SORCS3: variants seen among roughly 807,000 people sequenced by gnomAD.
SORCS3 encodes the protein sortilin related VPS10 domain containing receptor 3.
Under a neutral mutation model 146.3 loss-of-function variants are expected in SORCS3, and 57 were observed. The observed-to-expected ratio is 0.39, with a 90% CI of 0.31 to 0.49. The LOEUF is 0.49. SORCS3 is among the 20% of genes least tolerant of loss of function. SORCS3 has a pLI of 0.92. For synonymous variants in SORCS3, 653 were observed against 618.5 expected (o/e 1.06, Z -0.83); for missense variants, 1,341 against 1,575.5 (o/e 0.85, Z 2.52).
chr10:104,763,328 C>G (rs1358072600), intron 1 of SORCS3, among the ~76,000 whole-genome samples: 1 of 152,174 alleles, frequency 6.6e-6, no homozygotes, highest in Non-Finnish European at 1.5e-5. Flanking sequence ...TGATTAAAAT[C>G]TATCAGGGAG....
intron 8 of SORCS3, among the ~76,000 whole-genome samples, chr10:105,145,310 C>T (rs2056123184): frequency 1.3e-5 from 2 of 152,048 alleles, no homozygotes; most frequent in South Asian, 4.2e-4. Context: ...AAGGAATTAT[C>T]AAACAGATAT....
At chr10:105,088,888 T>C (rs1020509414) in intron 5 of SORCS3, among the ~76,000 whole-genome samples, 16 of 152,248 alleles carry the variant, frequency 1.1e-4, no homozygotes, top group African/African-American at 3.9e-4. Flanking sequence ...AAAACCAGAA[T>C]ACAAATCTTA....
Position 104,977,358 on chromosome 10 carries a change from G to A in SORCS3, c.819G>A (p.Glu273=). 6.2e-7 allele frequency: 1 copy of A among 1,613,220 alleles called. No individual in the cohort carries two copies. The highest frequency in any genetic ancestry group is 2.2e-5 in the East Asian group (1 of 44,810). ...KRKIMLLSDP[E]MESSILISSD... is the part of the protein sequence containing the mutation. ...AGATTATGCTTCTCAGTGATCCTGA[G>A]ATGGAGAGCAGCATATTGATCAGCT... The change falls in exon 4 of 27, where the codon GAG becomes GAA. Residue 273 remains glutamate, a synonymous_variant. Coordinates refer to ENST00000369701, the MANE Select transcript of SORCS3 (RefSeq NM_014978.3).
intron 4 of SORCS3, among the ~76,000 whole-genome samples, chr10:104,979,606 A>AC (rs764427477): frequency 5.3e-5 from 8 of 151,966 alleles, no homozygotes; most frequent in Non-Finnish European, 1.0e-4. Flanking sequence ...TGATGTCAGC[A>AC]CCTTTAAACA....
At chr10:105,244,266 GAA>G (rs577426057) in intron 20 of SORCS3, among the ~76,000 whole-genome samples, 12 of 147,284 alleles carry the variant, frequency 8.1e-5, no homozygotes, top group Admixed American at 1.4e-4. Flanking sequence ...TTCTTTCCAG[GAA>G]AAAAAAATAT....
intron 1 of SORCS3, among the ~76,000 whole-genome samples, chr10:104,736,818 A>G (rs925415830): frequency 6.7e-6 from 1 of 150,280 alleles, no homozygotes; most frequent in African/African-American, 2.5e-5. Flanking sequence ...TTTCGGGTAC[A>G]TGTGCACAAT....
chr10:104,655,247 C>CA (rs34712784), intron 1 of SORCS3, among the ~76,000 whole-genome samples: 41,570 of 133,000 alleles, frequency 0.31, 6,036 homozygotes, highest in Admixed American at 0.38. Context: ...AGCTCCGTCT[C>CA]AAAAAAAAAA....
chr10:104,916,308 GTTTGCT>G (rs1376520823), intron 3 of SORCS3, among the ~76,000 whole-genome samples: 1 of 152,198 alleles, frequency 6.6e-6, no homozygotes, highest in Non-Finnish European at 1.5e-5. Flanking sequence ...GTAAGCATGG[GTTTGCT>G]CAGCTTCAGA....
chr10:104,939,369 A>G (rs889200748), intron 3 of SORCS3, among the ~76,000 whole-genome samples: 5 of 152,210 alleles, frequency 3.3e-5, no homozygotes, highest in African/African-American at 9.6e-5. Flanking sequence ...TACCTAACAC[A>G]GTGCCTGGCA....
intron 16 of SORCS3, among the ~76,000 whole-genome samples, chr10:105,210,450 G>T (rs1458975969): frequency 6.6e-6 from 1 of 152,084 alleles, no homozygotes; most frequent in East Asian, 1.9e-4. Flanking sequence ...ACACACCCAG[G>T]AGTCTTCTGA....
chr10:105,091,296 CT>C (rs2055702712), intron 6 of SORCS3, among the ~76,000 whole-genome samples: 3 of 88,802 alleles, frequency 3.4e-5, no homozygotes, highest in Non-Finnish European at 7.2e-5. Flanking sequence ...TCCTTCCTTC[CT>C]TCCCTCCTTC....
intron 3 of SORCS3, among the ~76,000 whole-genome samples, chr10:104,974,794 T>A (rs542870292): frequency 9.2e-5 from 14 of 152,348 alleles, no homozygotes; most frequent in Non-Finnish European, 1.6e-4. Flanking sequence ...CTAGCCTTGA[T>A]GATCTTTACA....
At chr10:104,651,523 C>T (rs185972045) in intron 1 of SORCS3, among the ~76,000 whole-genome samples, 8 of 128,490 alleles carry the variant, frequency 6.2e-5, no homozygotes, top group African/African-American at 8.9e-5. Flanking sequence ...GTGAAACCTC[C>T]GGGCTCTACT....
At position 105,042,930 on chromosome 10, in the gene SORCS3, G is replaced by C. The variant is rs532387018; in HGVS notation, c.955-125G>C. The C allele has an allele frequency of 1.1e-4, 80 of 756,814 alleles. No homozygotes were observed. In the South Asian group the frequency reaches 1.2e-3, roughly 12 times the overall value. 46.9% of individuals were successfully genotyped at this position (756,814 alleles called of 1,614,324 possible). A position where few individuals can be genotyped will look rare whatever the true frequency, so the allele number is the denominator to read the frequency against. On this transcript the variant is annotated intron_variant, in intron 4 of 26. Transcript: ENST00000369701. ...AGTCATATTCCTACCTTTTTATCTG[G>C]ATAAAATAAATGCCTACTTGGGTGT...
chr10:104,723,672 G>C (rs375032026), intron 1 of SORCS3, among the ~76,000 whole-genome samples: 1 of 152,174 alleles, frequency 6.6e-6, no homozygotes, highest in Non-Finnish European at 1.5e-5. Context: ...CCTGTATTGG[G>C]TGCATATATA....
At chr10:105,173,297 C>T (rs143709182) in intron 13 of SORCS3, among the ~76,000 whole-genome samples, 2 of 151,974 alleles carry the variant, frequency 1.3e-5, no homozygotes, top group African/African-American at 2.4e-5. Flanking sequence ...GGCAACAGAG[C>T]GAGACTCTGT....
At position 105,255,721 on chromosome 10, in the gene SORCS3, A is replaced by G. The variant is rs771279268; in HGVS notation, c.3257A>G (p.Asn1086Ser). ...TTTCAGATTGTAGAAACACTGTTTA[A>G]TGCTCTCAACCAAAATTTGGTCCAG... is the stretch of plus-strand genomic sequence containing the variant. ...DLEQIVETLFNALNQNLVQFE... is the reference protein window; with the variant it reads ...DLEQIVETLFSALNQNLVQFE... Residue 1086 changes from asparagine (N) to serine (S), a missense_variant, in exon 24 of 27, where the codon AAT becomes AGT. Transcript: ENST00000369701. 1.2e-5 allele frequency: 20 copies of G among 1,613,692 alleles called. No individual in the cohort carries two copies. Among genetic ancestry groups the G allele is most frequent in the Non-Finnish European group, 1.6e-5 (19 of 1,179,804 alleles).
chr10:105,176,556 T>TA (rs969422857), intron 13 of SORCS3, among the ~76,000 whole-genome samples: 2 of 150,478 alleles, frequency 1.3e-5, no homozygotes, highest in Admixed American at 6.6e-5. Context: ...CTTGTCTCTT[T>TA]AAAAAAACAA....
intron 1 of SORCS3, among the ~76,000 whole-genome samples, chr10:104,660,296 C>T (rs201398682): frequency 1.6e-4 from 1 of 6,412 alleles, no homozygotes; most frequent in Non-Finnish European, 8.1e-4. Flanking sequence ...GTTTATTATC[C>T]TGCATCTGTG....
Sources: gnomAD v4.1 joint callset for allele counts (sites outside exome capture counted in the v4.1 genomes callset) on GRCh38, gnomAD v4.1.1 for gene constraint, MANE v1.5 for transcripts, NCBI Gene and HGNC (gene_info 2026-07-23, HGNC 2026-07-21) for gene names.